CPVL: variants seen among roughly 807,000 people sequenced by gnomAD.
CPVL encodes the protein probable serine carboxypeptidase CPVL.
A neutral mutation model predicts 63.7 loss-of-function variants in CPVL; 51 were observed. The observed-to-expected ratio is 0.80, with a 90% CI of 0.64 to 1.01. The LOEUF (loss-of-function observed/expected upper bound fraction) is 1.01, where lower values mean the gene tolerates loss of function less well. Among genes scored for constraint, CPVL ranks in the 50% least tolerant of loss-of-function variants. The pLI, the probability that CPVL is intolerant of heterozygous loss-of-function variation, is 0.00. For missense variants in CPVL, 530 were observed against 573.1 expected, an observed-to-expected ratio of 0.92 and a Z score of 0.77; for synonymous variants, 195 against 206.0, an observed-to-expected ratio of 0.95 and a Z score of 0.46.
chr7:29,069,606 G>A (rs1026457937), intron 9 of CPVL, among the ~76,000 whole-genome samples: 1 of 152,114 alleles, frequency 6.6e-6, no homozygotes, highest in Non-Finnish European at 1.5e-5. Flanking sequence ...TATCTAAGAC[G>A]ATCCAGGATT....
intron 12 of CPVL, among the ~76,000 whole-genome samples, chr7:29,015,830 C>T (rs1786351180): frequency 6.6e-6 from 1 of 152,098 alleles, no homozygotes; most frequent in African/African-American, 2.4e-5. Context: ...GATACTATTA[C>T]TGTTCAAAGC....
intron 5 of CPVL, among the ~76,000 whole-genome samples, chr7:29,167,367 T>C (rs1796050118): frequency 6.6e-6 from 1 of 152,206 alleles, no homozygotes; most frequent in African/African-American, 2.4e-5. Context: ...GGTATTTCAT[T>C]AAATGAATAT....
chr7:29,044,544 T>C (rs896654195), intron 11 of CPVL, among the ~76,000 whole-genome samples: 7 of 152,208 alleles, frequency 4.6e-5, no homozygotes, highest in African/African-American at 1.4e-4. Context: ...CTGCTTTGGA[T>C]TCCCAGTGAT....
intron 2 of CPVL, among the ~76,000 whole-genome samples, chr7:29,117,126 A>G (rs1200362135): frequency 6.6e-6 from 1 of 152,228 alleles, no homozygotes; most frequent in Admixed American, 6.5e-5. Context: ...AAAGAATTTG[A>G]CTGTGTAACA....
chr7:29,122,055 G>T (rs1009332546), intron 1 of CPVL, among the ~76,000 whole-genome samples: 5 of 152,140 alleles, frequency 3.3e-5, no homozygotes, highest in African/African-American at 1.2e-4. Context: ...TTATTTACTT[G>T]AACATCAATA....
intron 1 of CPVL, among the ~76,000 whole-genome samples, chr7:29,190,091 C>A (rs1427849662): frequency 6.6e-6 from 1 of 152,226 alleles, no homozygotes. Context: ...TCAGCTCCTG[C>A]CCCTAGTGAC....
Position 29,117,301 on chromosome 7 carries a change from C to T in CPVL, c.169+3592G>A, listed in dbSNP as rs560854903. Reference sequence around the variant, plus strand: ...CCCATAACTGAGAAATGCTCATAGGCAAGAAAGACAAGAACAGGAGAGATG... The same window carrying T: ...CCCATAACTGAGAAATGCTCATAGGTAAGAAAGACAAGAACAGGAGAGATG... On this transcript the variant is annotated intron_variant, in intron 2 of 12. Coordinates refer to ENST00000265394, the MANE Select transcript of CPVL (RefSeq NM_031311.5). 2.6e-5 allele frequency among the ~76,000 whole-genome samples: 4 copies of T among 152,288 alleles called. No individual in the cohort carries two copies. In the East Asian group the frequency reaches 7.7e-4, roughly 29 times the overall value.
chr7:29,009,434 G>C (rs1785562981), intron 12 of CPVL: 1 of 152,034 alleles, frequency 6.6e-6, no homozygotes, highest in South Asian at 2.1e-4. Context: ...GACACAAGGA[G>C]ATATGTGCAA....
At chr7:29,074,446 T>C (rs537833045) in intron 7 of CPVL, among the ~76,000 whole-genome samples, 1 of 152,284 alleles carries the variant, frequency 6.6e-6, no homozygotes, top group African/African-American at 2.4e-5. Flanking sequence ...AAAAAGCACA[T>C]TTCCCTGAGT....
chr7:29,194,387 AC>A (rs1241109266), intron 1 of CPVL: 4 of 150,116 alleles, frequency 2.7e-5, no homozygotes, highest in South Asian at 2.1e-4. Context: ...CAGCCGAACC[AC>A]CCCCCGAGCG....
At chr7:29,031,672 T>C (rs1380521972) in intron 11 of CPVL, among the ~76,000 whole-genome samples, 1 of 152,056 alleles carries the variant, frequency 6.6e-6, no homozygotes, top group Non-Finnish European at 1.5e-5. Context: ...CCAAAGAAAT[T>C]TTAAAAAATT....
chr7:29,155,313 A>G (rs1361494641), intron 5 of CPVL, among the ~76,000 whole-genome samples: 1 of 152,228 alleles, frequency 6.6e-6, no homozygotes, highest in Non-Finnish European at 1.5e-5. Flanking sequence ...TCAAAAATAA[A>G]TAAATAGAAC....
chr7:29,043,513 A>T (rs1340584260), intron 11 of CPVL, among the ~76,000 whole-genome samples: 1 of 152,128 alleles, frequency 6.6e-6, no homozygotes, highest in East Asian at 1.9e-4. Flanking sequence ...TGTAACAAAT[A>T]TGGGGACTGT....
At chr7:29,091,682 CAA>C (rs10617591) in intron 6 of CPVL, among the ~76,000 whole-genome samples, 23,181 of 152,020 alleles carry the variant, frequency 0.15, 4,723 homozygotes, top group African/African-American at 0.47. Context: ...GAAAAACAAA[CAA>C]AAGTGGAGAA....
At chr7:29,168,023 T>C (rs757862267) in intron 5 of CPVL, among the ~76,000 whole-genome samples, 4 of 152,226 alleles carry the variant, frequency 2.6e-5, no homozygotes, top group Admixed American at 6.5e-5. Flanking sequence ...TGACCTAAAC[T>C]GGACATTTGT....
intron 11 of CPVL, among the ~76,000 whole-genome samples, chr7:29,055,564 AAGTGTATTTGCTTCTGCT>A (rs1469028555): frequency 6.6e-6 from 1 of 152,060 alleles, no homozygotes; most frequent in African/African-American, 2.4e-5. Context: ...CCACTAAGTT[AAGTGTATTTGCTTCTGCT>A]AGTTGCCAGA....
In CPVL at chr7:29,142,528, C is replaced by CTT. The variant is rs10663904; in HGVS notation, c.-11+3899_-11+3900dup. Among the ~76,000 whole-genome samples, 850 of 127,584 alleles carry CTT rather than the reference C, an allele frequency of 6.7e-3. 42 individuals carry two copies. The highest frequency in any genetic ancestry group is 0.046 in the East Asian group (201 of 4,384). The allele number at this position is 127,584 out of a possible 152,430, so 83.7% of individuals were successfully genotyped here. A position where few individuals can be genotyped will look rare whatever the true frequency, so the allele number is the denominator to read the frequency against. On this transcript the variant is annotated intron_variant, in intron 1 of 12. Transcript: ENST00000265394. ...TTCCTCCTTCTATGACTTCCAGATACTTTTTTTTTTTTTTTTGAGACACAG... is the reference window on the plus strand; with the variant it reads ...TTCCTCCTTCTATGACTTCCAGATACTTTTTTTTTTTTTTTTTTGAGACACAG...
chr7:29,060,893 A>G lies in CPVL; in HGVS notation c.1137+3168T>C, dbSNP rs140947359. On this transcript the variant is annotated intron_variant, in intron 11 of 12. Coordinates refer to ENST00000265394, the MANE Select transcript of CPVL (RefSeq NM_031311.5). ...TGGTACTAACGTTTTAAGCCAACCT[A>G]GGTTGTTCTGATTCCCGTTCTGAAC... is the stretch of plus-strand genomic sequence containing the variant. Among the ~76,000 whole-genome samples, 763 of 152,302 alleles carry G rather than the reference A, an allele frequency of 5.0e-3. 6 individuals are homozygous for G. Among genetic ancestry groups the G allele is most frequent in the African/African-American group, 0.018 (730 of 41,550 alleles).
intron 12 of CPVL, among the ~76,000 whole-genome samples, chr7:29,013,576 CAAAG>C (rs1806318265): frequency 6.6e-6 from 1 of 152,204 alleles, no homozygotes. Context: ...GTCATGCAAA[CAAAG>C]AAAGACCAAG....
Sources: allele counts gnomAD v4.1 joint callset (sites outside exome capture counted in the v4.1 genomes callset), GRCh38; gene constraint gnomAD v4.1.1; transcripts MANE v1.5; gene names NCBI Gene and HGNC (gene_info 2026-07-23, HGNC 2026-07-21).